The following PLEK2 variants were observed in gnomAD, a reference collection of about 807,000 sequenced individuals.
PLEK2 encodes the protein pleckstrin 2, also known as pleckstrin-2.
PLEK2 carries 29 observed loss-of-function variants against 43.8 expected under a neutral mutation model. The observed-to-expected ratio is 0.66, with a 90% CI of 0.49 to 0.90. The LOEUF (loss-of-function observed/expected upper bound fraction) is 0.90. PLEK2 is among the 40% of genes least tolerant of loss of function. PLEK2 has a pLI of 0.00. For missense variants in PLEK2, 398 were observed against 448.1 expected (o/e 0.89, Z 1.01); for synonymous variants, 162 against 173.2 (o/e 0.94, Z 0.51).
chr14:67,395,683 A>T (rs1460734719), intron 2 of PLEK2, 100 bp from the exon 3 acceptor site: 2 of 873,156 alleles, frequency 2.3e-6, no homozygotes, highest in Middle Eastern at 3.3e-4. Flanking sequence ...GGTGACAGTG[A>T]CTGCCAAATG....
Position 67,412,083 on chromosome 14 carries a change from A to G in PLEK2, c.-24T>C. ...ATGTCGCCGCCCGCACGCCAGGGCC[A>G]CCCCAGGTGCGCCTTCCCCGCGCCT... On this transcript the variant is annotated 5_prime_UTR_variant, in exon 1 of 9. Transcript: ENST00000216446. 1 of 1,512,716 alleles carries G rather than the reference A, an allele frequency of 6.6e-7. No homozygotes were observed. 93.7% of individuals were successfully genotyped at this position (1,512,716 alleles called of 1,614,324 possible).
intron 1 of PLEK2, among the ~76,000 whole-genome samples, chr14:67,405,596 T>C (rs2086073224): frequency 1.3e-5 from 2 of 152,184 alleles, no homozygotes; most frequent in Non-Finnish European, 2.9e-5. Flanking sequence ...CTAGGGTTGG[T>C]CTGTATGGCA....
At chr14:67,409,658 T>C (rs887001688) in intron 1 of PLEK2, among the ~76,000 whole-genome samples, 6 of 152,096 alleles carry the variant, frequency 3.9e-5, no homozygotes, top group African/African-American at 1.4e-4. Flanking sequence ...ACTCTGCTTC[T>C]TTCTCGTCTG....
chr14:67,409,450 A>C (rs1263950847), intron 1 of PLEK2, among the ~76,000 whole-genome samples: 2 of 152,240 alleles, frequency 1.3e-5, no homozygotes, highest in African/African-American at 4.8e-5. Context: ...AAAAGGATAG[A>C]GCCCTGCACA....
chr14:67,400,563 T>G (rs1160895780), intron 1 of PLEK2, among the ~76,000 whole-genome samples: 1 of 152,192 alleles, frequency 6.6e-6, no homozygotes, highest in Non-Finnish European at 1.5e-5. Flanking sequence ...AGGACTGGTC[T>G]GGGACATCTG....
intron 2 of PLEK2, among the ~76,000 whole-genome samples, chr14:67,396,387 A>G (rs1292015995): frequency 1.3e-5 from 2 of 151,146 alleles, no homozygotes; most frequent in Non-Finnish European, 2.9e-5. Context: ...ACCTCAGGTG[A>G]TCTGCCAGCC....
intron 1 of PLEK2, 158 bp from the exon 2 acceptor site, chr14:67,397,984 T>C (rs149563079): frequency 3.0e-5 from 16 of 528,212 alleles, no homozygotes; most frequent in Non-Finnish European, 4.9e-5. Context: ...TCTGAGTACG[T>C]AGCAAAGACC....
chr14:67,395,543 A>C lies in PLEK2; in HGVS notation c.248T>G (p.Phe83Cys). Reference protein sequence around the residue: ...KLKTQTSTEYFLEACSREERD... With the variant: ...KLKTQTSTEYCLEACSREERD... ...CTCCTCTCGAGAACAGGCCTCCAGG[A>C]AGTACTCCGTGGATGTTTGAGTCTT... The change falls in exon 3 of 9, where the codon TTC becomes TGC. Residue 83 changes from phenylalanine (F) to cysteine (C), a missense_variant. Transcript: ENST00000216446. 1.2e-6 allele frequency: 2 copies of C among 1,614,126 alleles called. No homozygotes were observed. The highest frequency in any genetic ancestry group is 1.7e-6 in the Non-Finnish European group (2 of 1,179,970).
intron 1 of PLEK2, among the ~76,000 whole-genome samples, chr14:67,403,993 C>A (rs1232569438): frequency 6.6e-6 from 1 of 152,154 alleles, no homozygotes; most frequent in Non-Finnish European, 1.5e-5. Flanking sequence ...GTCAAGGCTG[C>A]AACAAGCTGT....
intron 1 of PLEK2, among the ~76,000 whole-genome samples, chr14:67,400,848 G>A (rs118003132): frequency 9.5e-4 from 145 of 151,980 alleles, no homozygotes; most frequent in Middle Eastern, 3.4e-3. Context: ...AAATTAGCTG[G>A]GCATGGTGGC....
intron 4 of PLEK2, 136 bp downstream of exon 4, chr14:67,393,014 A>C: frequency 1.1e-6 from 1 of 877,280 alleles, no homozygotes; most frequent in Non-Finnish European, 1.9e-6. Flanking sequence ...GCACACCCAC[A>C]CATGGCCATC....
In PLEK2 at chr14:67,395,407, G is replaced by A. The variant is rs372665202; in HGVS notation, c.384C>T (p.Ser128=). 5.6e-6 allele frequency: 9 copies of A among 1,613,676 alleles called. No homozygotes were observed. The South Asian group carries it at 8.8e-5, about 16-fold the overall frequency. The change falls in exon 3 of 9, where the codon AGC becomes AGT. Residue 128 remains serine (S), a synonymous_variant. Transcript: ENST00000216446. ...RNSFKLPPHI[S]LHRIVDKMHD... ...CCGGCAAGTGGGGCACTCACTGCAG[G>A]CTGATGTGCGGGGGCAGCTTGAAGG...
At position 67,392,365 on chromosome 14, in the gene PLEK2, T is replaced by A; in HGVS notation, c.732A>T (p.Leu244Phe). The A allele has an allele frequency of 6.2e-7, 1 of 1,613,780 alleles. No individual in the cohort carries two copies. Among genetic ancestry groups the A allele is most frequent in the Non-Finnish European group, 8.5e-7 (1 of 1,179,676 alleles). Residue 244 changes from leucine (L) to phenylalanine (F), a missense_variant, in exon 6 of 9, where the codon TTA becomes TTT. Leu to Phe is a conservative substitution (Grantham distance 22). Transcript: ENST00000216446. The part of the protein sequence containing the change: ...KEEISLSTVE[L>F]SGTVVKQGYL... ...AGCCTTGTTTCACCACCGTGCCACT[T>A]AACTCCACAGTGCTCAGGCTAATTT...
intron 6 of PLEK2, among the ~76,000 whole-genome samples, chr14:67,391,276 T>TGTGTGTGTGA (rs2085965748): frequency 6.8e-6 from 1 of 147,536 alleles, no homozygotes; most frequent in African/African-American, 2.6e-5. Flanking sequence ...CTGATATGTG[T>TGTGTGTGTGA]GTGTGTGTGT....
At position 67,407,863 on chromosome 14, in the gene PLEK2, C is replaced by G. The variant is rs117760728; in HGVS notation, c.42+4155G>C. ...TGGTGTGTACTTGTAGTCCCAGCTACTTGGGAGGCTGAGCCAGGAAGTTCG... is the reference window on the plus strand; with the variant it reads ...TGGTGTGTACTTGTAGTCCCAGCTAGTTGGGAGGCTGAGCCAGGAAGTTCG... On this transcript the variant is annotated intron_variant, in intron 1 of 8. Transcript: ENST00000216446. 4.1e-3 allele frequency among the ~76,000 whole-genome samples: 629 copies of G among 152,292 alleles called. 20 individuals are homozygous for G. In the East Asian group the frequency reaches 0.06, roughly 15 times the overall value.
At chr14:67,397,947 G>T in intron 1 of PLEK2, 121 bp from the exon 2 acceptor site, 1 of 738,442 alleles carries the variant, frequency 1.4e-6, no homozygotes, top group Non-Finnish European at 2.1e-6. Context: ...CTCCAAGGAA[G>T]ACAGCAGGAT....
chr14:67,387,321 G>A lies in PLEK2; in HGVS notation c.*8C>T. 6.2e-7 allele frequency: 1 copy of A among 1,608,490 alleles called. No individual in the cohort carries two copies. Among genetic ancestry groups the A allele is most frequent in the African/African-American group, 1.3e-5 (1 of 74,744 alleles). On this transcript the variant is annotated 3_prime_UTR_variant, in exon 9 of 9. Coordinates refer to ENST00000216446, the MANE Select transcript of PLEK2 (RefSeq NM_016445.3). Reference sequence around the variant, plus strand: ...GGAGGGAGGAATCCTGGTTCCCTCAGGTCCTTGTCATGTTAGCTTTTTGAT... The same window carrying A: ...GGAGGGAGGAATCCTGGTTCCCTCAAGTCCTTGTCATGTTAGCTTTTTGAT...
chr14:67,392,160 T>C (rs2085973799), intron 6 of PLEK2, among the ~76,000 whole-genome samples, 166 bp downstream of exon 6: 2 of 152,206 alleles, frequency 1.3e-5, no homozygotes, highest in Non-Finnish European at 2.9e-5. Context: ...CATATGCCTG[T>C]TCTTTGACTT....
intron 4 of PLEK2, 110 bp from the exon 5 acceptor site, chr14:67,392,959 G>A (rs2296562): frequency 1.1e-5 from 11 of 967,876 alleles, no homozygotes; most frequent in South Asian, 3.2e-5. Context: ...AGGGCTCTAC[G>A]CAAGAGCAGA....
Sources: allele counts gnomAD v4.1 joint callset (sites outside exome capture counted in the v4.1 genomes callset), GRCh38; gene constraint gnomAD v4.1.1; transcripts MANE v1.5; gene names NCBI Gene and HGNC (gene_info 2026-07-23, HGNC 2026-07-21).